Variants in AS3MT observed in about 807,000 individuals in gnomAD.
AS3MT encodes arsenite methyltransferase, also known as S-adenosyl-L-methionine:arsenic(III) methyltransferase.
A neutral mutation model predicts 45.3 loss-of-function variants in AS3MT; 47 were observed. That is an observed-to-expected ratio of 1.04 (90% confidence interval 0.82 to 1.32). The LOEUF is 1.32. Among genes scored for constraint, AS3MT ranks in the 40% most tolerant of loss-of-function variants. AS3MT has a pLI of 0.00. For missense variants in AS3MT, 396 were observed against 451.1 expected (o/e 0.88, Z 1.11); for synonymous variants, 141 against 152.8 (o/e 0.92, Z 0.57).
Position 102,881,713 on chromosome 10 carries a change from T to C in AS3MT, c.885+2722T>C, listed in dbSNP as rs1371569789. Reference sequence around the variant, plus strand: ...GTTCCAAAAGTGGAAGAACTTACTATTAATATTTCATTTTTCTGATTTATT... The same window carrying C: ...GTTCCAAAAGTGGAAGAACTTACTACTAATATTTCATTTTTCTGATTTATT... On this transcript the variant is annotated intron_variant, in intron 9 of 10. Transcript: ENST00000369880. The surrounding 1 kb of genome is among the most constrained non-coding windows in gnomAD (Gnocchi z 4.2). Among the ~76,000 whole-genome samples the C allele has an allele frequency of 6.6e-6, 1 of 152,120 alleles. No homozygotes were observed. Among genetic ancestry groups the C allele is most frequent in the East Asian group, 1.9e-4 (1 of 5,188 alleles).
chr10:102,873,074 A>G (rs1844720325), intron 4 of AS3MT, 23 bp from the exon 5 acceptor site: 4 of 1,544,394 alleles, frequency 2.6e-6, no homozygotes, highest in Non-Finnish European at 3.5e-6. Context: ...AATGTTATCA[A>G]AACTATATTT....
intron 5 of AS3MT, among the ~76,000 whole-genome samples, chr10:102,873,564 G>A (rs554337038): frequency 6.6e-6 from 1 of 152,156 alleles, no homozygotes; most frequent in East Asian, 1.9e-4. Flanking sequence ...GGGATTACAG[G>A]TGTGAGGCAC....
chr10:102,876,016 A>C (rs2095327990), intron 6 of AS3MT, among the ~76,000 whole-genome samples: 1 of 152,112 alleles, frequency 6.6e-6, no homozygotes. Flanking sequence ...TGATTTAATG[A>C]TTTAGTGATG....
At chr10:102,880,913 AT>A (rs1275113443) in intron 9 of AS3MT, among the ~76,000 whole-genome samples, 5 of 152,254 alleles carry the variant, frequency 3.3e-5, no homozygotes, top group Admixed American at 3.3e-4. Flanking sequence ...GAAATATAAA[AT>A]TTAGTCAACT....
Position 102,878,411 on chromosome 10 carries a change from G to T in AS3MT, c.643G>T (p.Glu215Ter), listed in dbSNP as rs758378765. The change falls in exon 8 of 11, where the codon GAA (glutamate) becomes TAA (stop). Residue 215 changes from glutamate to a stop codon, truncating the protein, a stop_gained. Transcript: ENST00000369880. LOFTEE classifies it high-confidence loss of function. Reference protein sequence around the residue: ...ECLGGALYWKELAVLAQKIGF... With the variant: ...ECLGGALYWK Reference sequence around the variant, plus strand: ...TCTGGGTGGTGCTTTATACTGGAAGGAACTTGCTGTCCTTGCTCAAAAAAT... The same window carrying T: ...TCTGGGTGGTGCTTTATACTGGAAGTAACTTGCTGTCCTTGCTCAAAAAAT... The T allele has an allele frequency of 6.2e-7, 1 of 1,614,066 alleles. No individual in the cohort carries two copies.
At chr10:102,871,501 C>CGAG (rs1289063262) in intron 3 of AS3MT, among the ~76,000 whole-genome samples, 3 of 128,140 alleles carry the variant, frequency 2.3e-5, no homozygotes, top group Non-Finnish European at 4.7e-5. Context: ...GAGCTGAGTT[C>CGAG]GAGCCACTGC....
intron 10 of AS3MT, 61 bp from the exon 11 acceptor site, chr10:102,900,532 G>C: frequency 2.6e-6 from 3 of 1,168,288 alleles, no homozygotes; most frequent in Non-Finnish European, 3.9e-6. Flanking sequence ...AGAAATATTA[G>C]TGTTTGGGTA....
chr10:102,893,514 G>A (rs1462618943), intron 10 of AS3MT, among the ~76,000 whole-genome samples: 1 of 141,452 alleles, frequency 7.1e-6, no homozygotes, highest in East Asian at 2.1e-4. Flanking sequence ...TTTTTTTTCC[G>A]AGATGGAGTC....
chr10:102,886,320 C>T (rs1342537072), intron 9 of AS3MT, among the ~76,000 whole-genome samples: 1 of 142,720 alleles, frequency 7.0e-6, no homozygotes, highest in Non-Finnish European at 1.5e-5. Context: ...TTCTTCCTTC[C>T]TTCCATTCTT....
At chr10:102,885,290 C>A (rs754282781) in intron 9 of AS3MT, among the ~76,000 whole-genome samples, 1 of 151,900 alleles carries the variant, frequency 6.6e-6, no homozygotes, top group Non-Finnish European at 1.5e-5. Context: ...CAGTTCCATG[C>A]ATGTTGCTGC....
chr10:102,874,318 T>C (rs1844746570), intron 5 of AS3MT, among the ~76,000 whole-genome samples: 1 of 152,042 alleles, frequency 6.6e-6, no homozygotes, highest in South Asian at 2.1e-4. Context: ...TTTCATCTTG[T>C]TACATGGTGA....
intron 8 of AS3MT, 115 bp from the exon 9 acceptor site, chr10:102,878,734 C>T (rs1844826666): frequency 6.5e-6 from 9 of 1,389,658 alleles, no homozygotes; most frequent in Non-Finnish European, 8.8e-6. Flanking sequence ...AGAAAGATAA[C>T]TGATGACATG....
intron 9 of AS3MT, among the ~76,000 whole-genome samples, chr10:102,886,975 C>A: frequency 6.6e-6 from 1 of 152,136 alleles, no homozygotes; most frequent in Non-Finnish European, 1.5e-5. Context: ...TTGCTATAAA[C>A]TTTCCTCTTA....
At chr10:102,869,705 C>A in intron 1 of AS3MT, 100 bp from the exon 2 acceptor site, 1 of 1,609,828 alleles carries the variant, frequency 6.2e-7, no homozygotes, top group Non-Finnish European at 8.5e-7. Context: ...CTTTGTCCTC[C>A]CCTCACCCCT....
At chr10:102,890,494 T>C (rs7085854) in intron 9 of AS3MT, 50 bp from the exon 10 acceptor site, 311,438 of 1,491,920 alleles carry the variant, frequency 0.21, 33,502 homozygotes, top group Non-Finnish European at 0.22. Flanking sequence ...TTTTCTTCTA[T>C]TGAGACTAAA....
intron 9 of AS3MT, among the ~76,000 whole-genome samples, chr10:102,887,706 A>G (rs891813862): frequency 6.6e-6 from 1 of 152,038 alleles, no homozygotes; most frequent in Non-Finnish European, 1.5e-5. Flanking sequence ...TTATAAGTAA[A>G]GTAGGTTTCT....
At chr10:102,884,333 T>A (rs1047771462) in intron 9 of AS3MT, among the ~76,000 whole-genome samples, 1 of 152,054 alleles carries the variant, frequency 6.6e-6, no homozygotes, top group Non-Finnish European at 1.5e-5. Context: ...ATAATAGATC[T>A]CTTTAACTTA....
chr10:102,887,518 G>T (rs1353575312), intron 9 of AS3MT, among the ~76,000 whole-genome samples: 3 of 152,070 alleles, frequency 2.0e-5, no homozygotes. Context: ...TGAGTGCAAA[G>T]ATACTTATAT....
intron 3 of AS3MT, among the ~76,000 whole-genome samples, chr10:102,870,695 C>A (rs1323041506): frequency 2.0e-5 from 3 of 152,200 alleles, no homozygotes; most frequent in African/African-American, 7.2e-5. Context: ...AACCTTGGCC[C>A]TTTTGACCCT....
Sources: allele counts gnomAD v4.1 joint callset (sites outside exome capture counted in the v4.1 genomes callset), GRCh38; gene constraint gnomAD v4.1.1; non-coding constraint Gnocchi (gnomAD v3.1); transcripts MANE v1.5; gene names NCBI Gene and HGNC (gene_info 2026-07-23, HGNC 2026-07-21).